Variants in SMIM10 observed in about 807,000 individuals in gnomAD.
The protein encoded by SMIM10 is chromosome X open reading frame 69.
For synonymous variants in SMIM10, 32 were observed against 36.0 expected (o/e 0.89, Z 0.40); for missense variants, 62 against 73.1 (o/e 0.85, Z 0.55).
Position 134,991,571 on chromosome X carries a change from G to A in SMIM10, c.*224G>A, listed in dbSNP as rs914804140. 2.1e-5 allele frequency: 8 copies of A among 377,913 alleles called. No homozygotes were observed. The highest frequency in any genetic ancestry group is 3.6e-5 in the Non-Finnish European group (8 of 219,324). 31.1% of individuals were successfully genotyped at this position (377,913 alleles called of 1,213,427 possible). ...TAACCCAAATCGTCTAAGATAGAAT[G>A]AAAAATTGACTCTCAAGGAAATATT... is the stretch of plus-strand genomic sequence containing the variant. On this transcript the variant is annotated 3_prime_UTR_variant, in exon 1 of 1. Coordinates refer to ENST00000330288, the MANE Select transcript of SMIM10 (RefSeq NM_001163438.2).
chrX:134,992,219 GC>G lies in SMIM10; in HGVS notation c.*873del. The G allele has an allele frequency of 8.2e-6, 1 of 121,561 alleles. No individual in the cohort carries two copies. The highest frequency in any genetic ancestry group is 1.9e-5 in the Non-Finnish European group (1 of 52,938). 10.0% of individuals were successfully genotyped at this position (121,561 alleles called of 1,213,427 possible). A position where few individuals can be genotyped will look rare whatever the true frequency, so the allele number is the denominator to read the frequency against. Reference sequence around the variant, plus strand: ...GGGGGAAGGAGAGCTGAGGGGGGCGGCAGGAAGTCAGCAGAAAATGCCTCAT... The same window carrying G: ...GGGGGAAGGAGAGCTGAGGGGGGCGGAGGAAGTCAGCAGAAAATGCCTCAT... On this transcript the variant is annotated 3_prime_UTR_variant, in exon 1 of 1. Transcript: ENST00000330288.
rs746006610 is a variant in SMIM10 at position 134,991,805 on chromosome X, A to G, written c.*458A>G. 13 of 127,752 alleles carry G rather than the reference A, an allele frequency of 1.0e-4. No individual in the cohort carries two copies. Among genetic ancestry groups the G allele is most frequent in the Admixed American group, 4.5e-4 (5 of 11,176 alleles). 10.5% of individuals were successfully genotyped at this position (127,752 alleles called of 1,213,427 possible). The stretch of plus-strand genomic sequence containing the variant: ...CTCAGACAGCAGGCAAATCTCCCCA[A>G]TTAGAAACGAAGTGAATAGACCCAA... On this transcript the variant is annotated 3_prime_UTR_variant, in exon 1 of 1. Coordinates refer to ENST00000330288, the MANE Select transcript of SMIM10 (RefSeq NM_001163438.2).
At position 134,991,283 on chromosome X, in the gene SMIM10, A is replaced by G. The variant is rs2083201717; in HGVS notation, c.188A>G (p.Asn63Ser). ...FFDLAWRLRK[N>S]FFYFYILASV... The stretch of plus-strand genomic sequence containing the variant: ...GACCTGGCCTGGCGGCTGCGCAAGA[A>G]CTTCTTTTACTTCTATATTCTGGCC... The change falls in exon 1 of 1, where the codon AAC becomes AGC. Residue 63 changes from asparagine to serine, a missense_variant. Asn to Ser is a conservative substitution (Grantham distance 46). Transcript: ENST00000330288. 8.6e-7 allele frequency: 1 copy of G among 1,166,445 alleles called. No homozygotes were observed. The highest frequency in any genetic ancestry group is 1.1e-6 in the Non-Finnish European group (1 of 872,801).
In SMIM10 at chrX:134,991,717, T is replaced by TAAA. The variant is rs369157958; in HGVS notation, c.*380_*382dup. 36 of 116,972 alleles carry TAAA rather than the reference T, an allele frequency of 3.1e-4. No individual in the cohort carries two copies. Among genetic ancestry groups the TAAA allele is most frequent in the Middle Eastern group, 4.2e-3 (1 of 236 alleles). 9.6% of individuals were successfully genotyped at this position (116,972 alleles called of 1,213,427 possible). ...AAATGACAATGGGCACAGAATGCAA[T>TAAA]AAAAAAAAAAAACGGGGAAAGGTAA... is the stretch of plus-strand genomic sequence containing the variant. On this transcript the variant is annotated 3_prime_UTR_variant, in exon 1 of 1. Transcript: ENST00000330288.
Position 134,991,369 on chromosome X carries a change from T to A in SMIM10, c.*22T>A. On this transcript the variant is annotated 3_prime_UTR_variant, in exon 1 of 1. Coordinates refer to ENST00000330288, the MANE Select transcript of SMIM10 (RefSeq NM_001163438.2). Reference sequence around the variant, plus strand: ...TTAGAGCCACTAACTTTGTGGCATTTGGGGGCTCCTCGTCAGGATGGCTGA... The same window carrying A: ...TTAGAGCCACTAACTTTGTGGCATTAGGGGGCTCCTCGTCAGGATGGCTGA... 1 of 1,151,392 alleles carries A rather than the reference T, an allele frequency of 8.7e-7. No homozygotes were observed. Among genetic ancestry groups the A allele is most frequent in the Non-Finnish European group, 1.2e-6 (1 of 861,518 alleles). The allele number at this position is 1,151,392 out of a possible 1,213,427, so 94.9% of individuals were successfully genotyped here.
In SMIM10 at chrX:134,991,343, T is replaced by G. The variant is rs2083201875; in HGVS notation, c.248T>G (p.Ile83Ser). The G allele has an allele frequency of 1.7e-6, 2 of 1,160,122 alleles. No individual in the cohort carries two copies. Among genetic ancestry groups the G allele is most frequent in the Non-Finnish European group, 2.3e-6 (2 of 867,090 alleles). ...VILNVHLQVY[I>S] ...CTCAACGTCCACCTGCAGGTATATA[T>G]TTAGAGCCACTAACTTTGTGGCATT... Residue 83 changes from isoleucine to serine, a missense_variant, in exon 1 of 1, where the codon ATT (isoleucine) becomes AGT (serine). Ile to Ser is a moderately radical substitution (Grantham distance 142, BLOSUM62 -2). Transcript: ENST00000330288.
Position 134,991,099 on chromosome X carries a change from G to A in SMIM10, c.4G>A (p.Glu2Lys). Residue 2 changes from glutamate to lysine, a missense_variant, in exon 1 of 1, where the codon GAG (glutamate) becomes AAG (lysine). Coordinates refer to ENST00000330288, the MANE Select transcript of SMIM10 (RefSeq NM_001163438.2). ...GTCGGTGAGTCAGCGGAGCCTGATG[G>A]AGGCCTTGGGCTCTGGGCACTATGT... Reference protein sequence around the residue: MEALGSGHYVGG... With the variant: MKALGSGHYVGG... The A allele has an allele frequency of 8.6e-7, 1 of 1,158,888 alleles. No homozygotes were observed. Among genetic ancestry groups the A allele is most frequent in the Non-Finnish European group, 1.2e-6 (1 of 866,194 alleles).
In SMIM10 at chrX:134,991,663, G is replaced by A. The variant is rs1050802809; in HGVS notation, c.*316G>A. The A allele has an allele frequency of 5.4e-6, 1 of 186,018 alleles. No homozygotes were observed. The highest frequency in any genetic ancestry group is 3.0e-5 in the African/African-American group (1 of 33,218). The allele number at this position is 186,018 out of a possible 1,213,427, so 15.3% of individuals were successfully genotyped here. A position where few individuals can be genotyped will look rare whatever the true frequency, so the allele number is the denominator to read the frequency against. ...AAATATCTGAGAAGTTTTTGCATCCGTAAAACAGAAAACAGCACGAACTTT... is the reference window on the plus strand; with the variant it reads ...AAATATCTGAGAAGTTTTTGCATCCATAAAACAGAAAACAGCACGAACTTT... On this transcript the variant is annotated 3_prime_UTR_variant, in exon 1 of 1. Transcript: ENST00000330288.
rs755663451 is a variant in SMIM10, at chrX:134,991,462, A to G, written c.*115A>G. 5.6e-6 allele frequency: 5 copies of G among 891,119 alleles called. No homozygotes were observed. In the Admixed American group the frequency reaches 2.0e-4, roughly 35 times the overall value. The allele number at this position is 891,119 out of a possible 1,213,427, so 73.4% of individuals were successfully genotyped here. ...CTCCGCTCCTGCATGCAGACTTGCCACTCATTCTTTCCATTGCCTCATCTT... is the reference window on the plus strand; with the variant it reads ...CTCCGCTCCTGCATGCAGACTTGCCGCTCATTCTTTCCATTGCCTCATCTT... On this transcript the variant is annotated 3_prime_UTR_variant, in exon 1 of 1. Transcript: ENST00000330288.
rs1232210163 is a variant in SMIM10, at chrX:134,991,983, A to G, written c.*636A>G. On this transcript the variant is annotated 3_prime_UTR_variant, in exon 1 of 1. Coordinates refer to ENST00000330288, the MANE Select transcript of SMIM10 (RefSeq NM_001163438.2). ...AAGAACATTAAAAACTGTGCAAGAA[A>G]CTTATGTTTCACATATGAAGCAACC... is the stretch of plus-strand genomic sequence containing the variant. 8.1e-6 allele frequency: 1 copy of G among 123,792 alleles called. No individual in the cohort carries two copies. Among genetic ancestry groups the G allele is most frequent in the Non-Finnish European group, 1.9e-5 (1 of 53,409 alleles). 10.2% of individuals were successfully genotyped at this position (123,792 alleles called of 1,213,427 possible). A position where few individuals can be genotyped will look rare whatever the true frequency, so the allele number is the denominator to read the frequency against.
chrX:134,991,505 CA>C lies in SMIM10; in HGVS notation c.*165del. The C allele has an allele frequency of 3.2e-6, 2 of 629,629 alleles. No homozygotes were observed. Among genetic ancestry groups the C allele is most frequent in the East Asian group, 3.7e-5 (1 of 27,079 alleles). 51.9% of individuals were successfully genotyped at this position (629,629 alleles called of 1,213,427 possible). A position where few individuals can be genotyped will look rare whatever the true frequency, so the allele number is the denominator to read the frequency against. ...CTCATCTTTTAGTATAAATGGGTGG[CA>C]AAAAAAGAAAAAAACAGCATTTGTG... On this transcript the variant is annotated 3_prime_UTR_variant, in exon 1 of 1. Transcript: ENST00000330288.
At position 134,991,469 on chromosome X, in the gene SMIM10, C is replaced by T; in HGVS notation, c.*122C>T. The T allele has an allele frequency of 2.4e-6, 2 of 831,038 alleles. No homozygotes were observed. Among genetic ancestry groups the T allele is most frequent in the Non-Finnish European group, 1.7e-6 (1 of 600,711 alleles). The allele number at this position is 831,038 out of a possible 1,213,427, so 68.5% of individuals were successfully genotyped here. A position where few individuals can be genotyped will look rare whatever the true frequency, so the allele number is the denominator to read the frequency against. On this transcript the variant is annotated 3_prime_UTR_variant, in exon 1 of 1. Coordinates refer to ENST00000330288, the MANE Select transcript of SMIM10 (RefSeq NM_001163438.2). ...CCTGCATGCAGACTTGCCACTCATT[C>T]TTTCCATTGCCTCATCTTTTAGTAT...
At position 134,991,495 on chromosome X, in the gene SMIM10, A is replaced by G; in HGVS notation, c.*148A>G. On this transcript the variant is annotated 3_prime_UTR_variant, in exon 1 of 1. Transcript: ENST00000330288. ...TTTCCATTGCCTCATCTTTTAGTATAAATGGGTGGCAAAAAAAGAAAAAAA... is the reference window on the plus strand; with the variant it reads ...TTTCCATTGCCTCATCTTTTAGTATGAATGGGTGGCAAAAAAAGAAAAAAA... The G allele has an allele frequency of 1.4e-6, 1 of 698,583 alleles. No homozygotes were observed. Among genetic ancestry groups the G allele is most frequent in the Non-Finnish European group, 2.1e-6 (1 of 486,944 alleles). 57.6% of individuals were successfully genotyped at this position (698,583 alleles called of 1,213,427 possible).
In SMIM10 at chrX:134,992,267, A is replaced by G. The variant is rs767364072; in HGVS notation, c.*920A>G. The G allele has an allele frequency of 8.2e-6, 1 of 122,578 alleles. No homozygotes were observed. Among genetic ancestry groups the G allele is most frequent in the East Asian group, 2.8e-4 (1 of 3,525 alleles). 10.1% of individuals were successfully genotyped at this position (122,578 alleles called of 1,213,427 possible). A position where few individuals can be genotyped will look rare whatever the true frequency, so the allele number is the denominator to read the frequency against. ...TCATGTCATTAAGTCAAGAAATAGT[A>G]ATAAAGGCATGTTATTGAAAAAGGG... On this transcript the variant is annotated 3_prime_UTR_variant, in exon 1 of 1. Transcript: ENST00000330288.
rs1207194992 is a variant in SMIM10, at chrX:134,991,119, C to T, written c.24C>T (p.His8=). The T allele has an allele frequency of 6.9e-6, 8 of 1,165,107 alleles. No individual in the cohort carries two copies. The highest frequency in any genetic ancestry group is 9.2e-6 in the Non-Finnish European group (8 of 871,323). Residue 8 remains histidine, a synonymous_variant, in exon 1 of 1, where the codon CAC becomes CAT. Transcript: ENST00000330288. The stretch of plus-strand genomic sequence containing the variant: ...TGATGGAGGCCTTGGGCTCTGGGCA[C>T]TATGTGGGAGGCAGCATCAGGTCCA... MEALGSG[H]YVGGSIRSMA...
Position 134,991,433 on chromosome X carries a change from C to T in SMIM10, c.*86C>T. On this transcript the variant is annotated 3_prime_UTR_variant, in exon 1 of 1. Transcript: ENST00000330288. ...GCTCACCCACCCTAGAGCAAAGCGA[C>T]CAACTCCGCTCCTGCATGCAGACTT... 2 of 1,030,530 alleles carry T rather than the reference C, an allele frequency of 1.9e-6. No homozygotes were observed. Among genetic ancestry groups the T allele is most frequent in the Non-Finnish European group, 1.3e-6 (1 of 772,142 alleles). The allele number at this position is 1,030,530 out of a possible 1,213,427, so 84.9% of individuals were successfully genotyped here.
Position 134,991,444 on chromosome X carries a change from C to T in SMIM10, c.*97C>T, listed in dbSNP as rs1224919655. The T allele has an allele frequency of 2.0e-6, 2 of 977,489 alleles. No homozygotes were observed. The highest frequency in any genetic ancestry group is 2.7e-6 in the Non-Finnish European group (2 of 728,674). 80.6% of individuals were successfully genotyped at this position (977,489 alleles called of 1,213,427 possible). ...CTAGAGCAAAGCGACCAACTCCGCT[C>T]CTGCATGCAGACTTGCCACTCATTC... On this transcript the variant is annotated 3_prime_UTR_variant, in exon 1 of 1. Coordinates refer to ENST00000330288, the MANE Select transcript of SMIM10 (RefSeq NM_001163438.2).
chrX:134,991,163 C>T lies in SMIM10; in HGVS notation c.68C>T (p.Ser23Phe). ...AGGTCCATGGCGGCGGCGGCCCTGT[C>T]TGGCCTGGCGGTGCGGCTGTCGCGC... ...SIRSMAAAAL[S>F]GLAVRLSRPQ... is the part of the protein sequence containing the mutation. Residue 23 changes from serine (S) to phenylalanine (F), a missense_variant, in exon 1 of 1, where the codon TCT becomes TTT. Ser to Phe is a radical substitution (Grantham distance 155, BLOSUM62 -2). Coordinates refer to ENST00000330288, the MANE Select transcript of SMIM10 (RefSeq NM_001163438.2). 1.7e-6 allele frequency: 2 copies of T among 1,167,672 alleles called. No homozygotes were observed. Among genetic ancestry groups the T allele is most frequent in the South Asian group, 3.8e-5 (2 of 52,757 alleles).
chrX:134,991,068 C>G lies in SMIM10; in HGVS notation c.-28C>G, dbSNP rs1336186341. On this transcript the variant is annotated 5_prime_UTR_variant, in exon 1 of 1. Transcript: ENST00000330288. ...TACTTTCCCGCGTCCATCCCTCTGT[C>G]CCACGGTCGGTGAGTCAGCGGAGCC... is the stretch of plus-strand genomic sequence containing the variant. 1 of 1,148,552 alleles carries G rather than the reference C, an allele frequency of 8.7e-7. No individual in the cohort carries two copies. The highest frequency in any genetic ancestry group is 3.3e-5 in the East Asian group (1 of 30,384). The allele number at this position is 1,148,552 out of a possible 1,213,427, so 94.7% of individuals were successfully genotyped here. A position where few individuals can be genotyped will look rare whatever the true frequency, so the allele number is the denominator to read the frequency against.
Sources: gnomAD v4.1 joint callset for allele counts on GRCh38, gnomAD v4.1.1 for gene constraint, MANE v1.5 for transcripts, NCBI Gene and HGNC (gene_info 2026-07-23, HGNC 2026-07-21) for gene names.